Variants in GSS observed in about 807,000 individuals in gnomAD.
The protein encoded by GSS is glutathione synthetase, also known as GSH synthetase.
In GSS, 34 loss-of-function variants were observed where a neutral mutation model predicts 60.4. That is an observed-to-expected ratio of 0.56 (90% CI 0.43 to 0.75). The LOEUF is 0.75. GSS is among the 30% of genes least tolerant of loss of function. GSS has a pLI of 0.00. For synonymous variants in GSS, 224 were observed against 239.0 expected (o/e 0.94, Z 0.58); for missense variants, 499 against 595.1 (o/e 0.84, Z 1.68).
intron 11 of GSS, among the ~76,000 whole-genome samples, 186 bp downstream of exon 11, chr20:34,931,150 C>G (rs534938715): frequency 6.6e-6 from 1 of 152,354 alleles, no homozygotes; most frequent in African/African-American, 2.4e-5. Context: ...GCTGGTTAAT[C>G]AGATTCCCCT....
At chr20:34,932,411 C>T (rs945021010) in intron 9 of GSS, among the ~76,000 whole-genome samples, 1 of 152,192 alleles carries the variant, frequency 6.6e-6, no homozygotes, top group African/African-American at 2.4e-5. Context: ...CAGCTTCCCA[C>T]TGTGTTCCAT....
At chr20:34,931,300 C>T in intron 11 of GSS, 36 bp downstream of exon 11, 1 of 1,513,404 alleles carries the variant, frequency 6.6e-7, no homozygotes, top group Non-Finnish European at 9.2e-7. Context: ...GCTAGTCCCT[C>T]TCATTGAGGA....
Position 34,947,156 on chromosome 20 carries a change from C to T in GSS, c.130-1058G>A, listed in dbSNP as rs532169225. Reference sequence around the variant, plus strand: ...AGGCTGGAGTGCAGTGGTACAATCTCGGCTCACTGCAACCTCCATCTCCTG... The same window carrying T: ...AGGCTGGAGTGCAGTGGTACAATCTTGGCTCACTGCAACCTCCATCTCCTG... On this transcript the variant is annotated intron_variant, in intron 2 of 12. Transcript: ENST00000651619. Among the ~76,000 whole-genome samples, 13 of 152,044 alleles carry T rather than the reference C, an allele frequency of 8.6e-5. No individual in the cohort carries two copies. In the East Asian group the frequency reaches 1.9e-3, roughly 23 times the overall value.
At chr20:34,932,301 T>C (rs1053899853) in intron 9 of GSS, among the ~76,000 whole-genome samples, 168 bp from the exon 10 acceptor site, 4 of 152,372 alleles carry the variant, frequency 2.6e-5, no homozygotes, top group South Asian at 4.1e-4. Context: ...GTTGTAGTTA[T>C]GTATCATTGT....
At chr20:34,940,803 A>G (rs1387310923) in intron 6 of GSS, among the ~76,000 whole-genome samples, 1 of 152,216 alleles carries the variant, frequency 6.6e-6, no homozygotes, top group Non-Finnish European at 1.5e-5. Flanking sequence ...GAGAAATAGG[A>G]AGAAAGCAAA....
chr20:34,934,177 CA>C (rs1177763858), intron 9 of GSS: 353 of 129,822 alleles, frequency 2.7e-3, no homozygotes, highest in Middle Eastern at 4.0e-3. Context: ...AACTCTGTCT[CA>C]AAAAAAAAAA....
intron 10 of GSS, 109 bp downstream of exon 10, chr20:34,931,830 C>T: frequency 9.7e-7 from 1 of 1,035,542 alleles, no homozygotes. Context: ...ACCTTGCCAG[C>T]TCCACCTTCC....
chr20:34,945,771 A>G lies in GSS; in HGVS notation c.275+182T>C, dbSNP rs557653365. On this transcript the variant is annotated intron_variant, in intron 3 of 12. Coordinates refer to ENST00000651619, the MANE Select transcript of GSS (RefSeq NM_000178.4). ...AAAGGGAGTGGCTTGAGGCCATATAAATAACTGGTCGAGCCAGGATTAGAA... is the reference window on the plus strand; with the variant it reads ...AAAGGGAGTGGCTTGAGGCCATATAGATAACTGGTCGAGCCAGGATTAGAA... Among the ~76,000 whole-genome samples the G allele has an allele frequency of 4.6e-5, 7 of 152,342 alleles. No individual in the cohort carries two copies. The South Asian group carries it at 1.5e-3, about 32-fold the overall frequency.
At chr20:34,934,981 T>C (rs2081429768) in intron 9 of GSS, among the ~76,000 whole-genome samples, 2 of 152,218 alleles carry the variant, frequency 1.3e-5, no homozygotes, top group South Asian at 4.1e-4. Flanking sequence ...GGGAATACCA[T>C]CGGCCTGAAA....
Position 34,937,021 on chromosome 20 carries a change from G to A in GSS, c.611C>T (p.Ala204Val), listed in dbSNP as rs778233151. 1.9e-6 allele frequency: 3 copies of A among 1,612,458 alleles called. No homozygotes were observed. The highest frequency in any genetic ancestry group is 3.3e-5 in the Admixed American group (2 of 59,996). ...CTCTTGAGCAATCAGTAGCACCAGA[G>A]CACTGGGGAAAGAGCACAGGTGGCC... The part of the protein sequence containing the change: ...KAWELYGSPN[A>V]LVLLIAQEKE... The change falls in exon 7 of 13, where the codon GCT (alanine) becomes GTT (valine). Residue 204 changes from alanine (A) to valine (V), a missense_variant and splice_region_variant. Transcript: ENST00000651619.
chr20:34,942,615 C>T lies in GSS; in HGVS notation c.364G>A (p.Gly122Ser). 1 of 1,614,080 alleles carries T rather than the reference C, an allele frequency of 6.2e-7. No individual in the cohort carries two copies. The highest frequency in any genetic ancestry group is 1.1e-5 in the South Asian group (1 of 91,070). ...AACATGTAGTCTGAGCGATTCAGGC[C>T]CAGGAACACAGTCTGTGGGGAAAAC... ...KEGIAQTVFL[G>S]LNRSDYMFQR... The change falls in exon 5 of 13, where the codon GGC (glycine) becomes AGC (serine). Residue 122 changes from glycine to serine, a missense_variant. Coordinates refer to ENST00000651619, the MANE Select transcript of GSS (RefSeq NM_000178.4).
chr20:34,951,546 A>T, intron 2 of GSS, 178 bp downstream of exon 2: 2 of 683,956 alleles, frequency 2.9e-6, no homozygotes, highest in Non-Finnish European at 4.8e-6. Flanking sequence ...CCCCATATTT[A>T]AATTTGATTA....
chr20:34,949,890 C>CA (rs2081552947), intron 2 of GSS: 1 of 151,970 alleles, frequency 6.6e-6, no homozygotes, highest in Non-Finnish European at 1.5e-5. Flanking sequence ...CTAACTAGAC[C>CA]AGGAGCCCCA....
intron 9 of GSS, among the ~76,000 whole-genome samples, chr20:34,935,288 T>A (rs796752413): frequency 3.3e-5 from 5 of 152,362 alleles, no homozygotes; most frequent in African/African-American, 1.2e-4. Context: ...CTGGCTTATA[T>A]CAACCAGTGA....
At chr20:34,929,990 G>A (rs192765468) in intron 11 of GSS, among the ~76,000 whole-genome samples, 7 of 152,098 alleles carry the variant, frequency 4.6e-5, no homozygotes, top group African/African-American at 1.2e-4. Context: ...ACTTCCGGCC[G>A]GGCATGGTGG....
intron 1 of GSS, among the ~76,000 whole-genome samples, chr20:34,953,943 A>AAG (rs200852172): frequency 0.014 from 2,057 of 152,276 alleles, 40 homozygotes; most frequent in African/African-American, 0.047. Context: ...TGTGGATTAA[A>AAG]AGAGAAAAAT....
chr20:34,955,959 A>G (rs577011463), upstream of GSS: 9 of 152,472 alleles, frequency 5.9e-5, no homozygotes, highest in South Asian at 1.7e-3. Context: ...TGGCGGATGG[A>G]CCTTGGGAAG....
chr20:34,948,664 G>A (rs1329926019), intron 2 of GSS, among the ~76,000 whole-genome samples: 4 of 151,946 alleles, frequency 2.6e-5, no homozygotes, highest in African/African-American at 9.7e-5. Flanking sequence ...CACACCCGTA[G>A]TCCCAGCTGC....
chr20:34,932,924 C>A (rs1189019731), intron 9 of GSS, among the ~76,000 whole-genome samples: 3 of 152,080 alleles, frequency 2.0e-5, no homozygotes, highest in Admixed American at 6.5e-5. Context: ...TGGCTCACTG[C>A]AACTTCTACC....
Sources: gnomAD v4.1 joint callset for allele counts (sites outside exome capture counted in the v4.1 genomes callset) on GRCh38, gnomAD v4.1.1 for gene constraint, MANE v1.5 for transcripts, NCBI Gene and HGNC (gene_info 2026-07-23, HGNC 2026-07-21) for gene names.